The following MACROD2 variants were observed in gnomAD, a reference collection of about 807,000 sequenced individuals.
MACROD2 encodes mono-ADP ribosylhydrolase 2, also known as ADP-ribose glycohydrolase MACROD2.
In MACROD2, 36 loss-of-function variants were observed where a neutral mutation model predicts 70.4. The observed-to-expected ratio is 0.51, with a 90% confidence interval of 0.39 to 0.68. The LOEUF is 0.68. Ranked by LOEUF, MACROD2 falls within the 30% of genes least tolerant of loss-of-function variation. The probability of loss-of-function intolerance (pLI) is 0.00; values close to 1 mark genes in which losing one functional copy is unlikely to be tolerated. For missense variants in MACROD2, 496 were observed against 538.4 expected (o/e 0.92, Z 0.78); for synonymous variants, 172 against 178.8 (o/e 0.96, Z 0.30).
At chr20:15,999,912 C>A (rs1161394271) in intron 15 of MACROD2, among the ~76,000 whole-genome samples, 1 of 152,140 alleles carries the variant, frequency 6.6e-6, no homozygotes, top group African/African-American at 2.4e-5. Context: ...CCTTTCTGGC[C>A]ATGCCACGGA....
intron 3 of MACROD2, among the ~76,000 whole-genome samples, chr20:14,182,586 T>C (rs1413790039): frequency 6.6e-6 from 1 of 152,202 alleles, no homozygotes; most frequent in African/African-American, 2.4e-5. Flanking sequence ...TTATGTTTTC[T>C]TCTTAGAGTT....
chr20:15,578,517 A>G lies in MACROD2; in HGVS notation c.645+78670A>G, dbSNP rs558040423. Among the ~76,000 whole-genome samples, 30 of 152,386 alleles carry G rather than the reference A, an allele frequency of 2.0e-4. 2 individuals carry two copies. The South Asian group carries it at 6.2e-3, about 32-fold the overall frequency. On this transcript the variant is annotated intron_variant, in intron 8 of 17. Transcript: ENST00000684519. Reference sequence around the variant, plus strand: ...AGCTCAGTAAATGGTAGCAGCTTTCAGTTATAGTTAAAAGACCAAACTAAA... The same window carrying G: ...AGCTCAGTAAATGGTAGCAGCTTTCGGTTATAGTTAAAAGACCAAACTAAA...
intron 8 of MACROD2, among the ~76,000 whole-genome samples, chr20:15,785,220 T>C (rs2051904980): frequency 6.6e-6 from 1 of 151,236 alleles, no homozygotes; most frequent in African/African-American, 2.4e-5. Flanking sequence ...CTGTCCTCTC[T>C]CTAACTGAAC....
intron 3 of MACROD2, among the ~76,000 whole-genome samples, chr20:14,484,209 T>C (rs989901462): frequency 6.6e-6 from 1 of 152,222 alleles, no homozygotes; most frequent in Non-Finnish European, 1.5e-5. Flanking sequence ...TTAATATGCA[T>C]TTTAAAATAG....
At chr20:15,065,346 C>T (rs1278820203) in intron 5 of MACROD2, among the ~76,000 whole-genome samples, 1 of 152,130 alleles carries the variant, frequency 6.6e-6, no homozygotes, top group Admixed American at 6.5e-5. Context: ...GGATGATTTT[C>T]TTTGGTAGTG....
intron 5 of MACROD2, among the ~76,000 whole-genome samples, chr20:15,027,563 G>A (rs1176822672): frequency 2.0e-5 from 3 of 150,008 alleles, no homozygotes; most frequent in Admixed American, 6.7e-5. Flanking sequence ...GTGGTGGGGG[G>A]AAATAATATC....
intron 6 of MACROD2, among the ~76,000 whole-genome samples, chr20:15,385,953 T>A (rs1036748207): frequency 9.8e-5 from 15 of 152,308 alleles, no homozygotes; most frequent in African/African-American, 3.6e-4. Flanking sequence ...GGTTACTGGG[T>A]CACGAGAGCT....
At chr20:15,814,206 A>C (rs1174566670) in intron 8 of MACROD2, among the ~76,000 whole-genome samples, 1 of 152,194 alleles carries the variant, frequency 6.6e-6, no homozygotes, top group Admixed American at 6.5e-5. Context: ...ACTATGCTCC[A>C]CACAATTTTT....
intron 4 of MACROD2, among the ~76,000 whole-genome samples, chr20:14,677,636 C>T (rs543761806): frequency 4.0e-4 from 61 of 152,262 alleles, no homozygotes; most frequent in African/African-American, 1.2e-3. Context: ...TCAGTCCTGA[C>T]GAAGAGCAGC....
At chr20:15,861,068 T>A (rs1173895743) in intron 8 of MACROD2, among the ~76,000 whole-genome samples, 3 of 152,200 alleles carry the variant, frequency 2.0e-5, no homozygotes, top group Admixed American at 2.0e-4. Context: ...CCTTTTACTG[T>A]TTACACTTTG....
chr20:15,987,734 G>A (rs189374132), intron 15 of MACROD2, among the ~76,000 whole-genome samples: 17 of 152,136 alleles, frequency 1.1e-4, no homozygotes, highest in African/African-American at 4.1e-4. Flanking sequence ...AGCATTTGGG[G>A]CAAAAAGCCA....
chr20:14,312,959 A>C (rs180730632), intron 3 of MACROD2, among the ~76,000 whole-genome samples: 4 of 152,368 alleles, frequency 2.6e-5, no homozygotes, highest in Admixed American at 2.6e-4. Context: ...TTATATAAAT[A>C]GTATTAGCAC....
intron 3 of MACROD2, among the ~76,000 whole-genome samples, chr20:14,137,295 A>T (rs1440430970): frequency 6.6e-6 from 1 of 152,208 alleles, no homozygotes; most frequent in Non-Finnish European, 1.5e-5. Flanking sequence ...AGATAAGAAA[A>T]TGTTATTAAG....
intron 3 of MACROD2, among the ~76,000 whole-genome samples, chr20:14,357,068 A>G (rs2083179366): frequency 6.6e-6 from 1 of 152,222 alleles, no homozygotes; most frequent in Non-Finnish European, 1.5e-5. Flanking sequence ...TACTACTTCC[A>G]TCATAGTCAT....
At chr20:15,894,359 C>T (rs1295255297) in intron 10 of MACROD2, among the ~76,000 whole-genome samples, 1 of 152,230 alleles carries the variant, frequency 6.6e-6, no homozygotes, top group Non-Finnish European at 1.5e-5. Flanking sequence ...TGCTCCTAGA[C>T]AGGCTTCCTA....
chr20:15,515,808 G>C (rs772195274), intron 8 of MACROD2, among the ~76,000 whole-genome samples: 1 of 152,202 alleles, frequency 6.6e-6, no homozygotes, highest in Non-Finnish European at 1.5e-5. Flanking sequence ...CTAGTGTGCA[G>C]AGATTCAGCC....
At chr20:14,164,083 T>C (rs2055229874) in intron 3 of MACROD2, among the ~76,000 whole-genome samples, 2 of 152,166 alleles carry the variant, frequency 1.3e-5, no homozygotes, top group Admixed American at 6.5e-5. Context: ...TTCAACTTTT[T>C]TGAGTTTGCT....
chr20:14,156,751 A>G (rs982473787), intron 3 of MACROD2, among the ~76,000 whole-genome samples: 2 of 152,136 alleles, frequency 1.3e-5, no homozygotes, highest in Non-Finnish European at 2.9e-5. Flanking sequence ...TCTTTTGATG[A>G]TTAAATATTG....
At chr20:15,058,754 T>G (rs1031546635) in intron 5 of MACROD2, among the ~76,000 whole-genome samples, 1 of 152,226 alleles carries the variant, frequency 6.6e-6, no homozygotes, top group Non-Finnish European at 1.5e-5. Context: ...CTTTTCCTTC[T>G]TTTTAAAAAT....
Sources: gnomAD v4.1 joint callset for allele counts (sites outside exome capture counted in the v4.1 genomes callset) on GRCh38, gnomAD v4.1.1 for gene constraint, MANE v1.5 for transcripts, NCBI Gene and HGNC (gene_info 2026-07-23, HGNC 2026-07-21) for gene names.